Variants in PDE4D observed in about 807,000 individuals in gnomAD.
PDE4D encodes phosphodiesterase 4D, also known as 3',5'-cyclic-AMP phosphodiesterase 4D.
PDE4D carries 24 observed loss-of-function variants against 87.4 expected under a neutral mutation model. That is an observed-to-expected ratio of 0.27 (90% CI 0.20 to 0.39). PDE4D has a LOEUF of 0.39. PDE4D is among the 10% of genes least tolerant of loss of function. PDE4D has a pLI of 1.00. For missense variants in PDE4D, 714 were observed against 1,041.0 expected, an observed-to-expected ratio of 0.69 and a Z score of 4.32; for synonymous variants, 384 against 383.2, an observed-to-expected ratio of 1.00 and a Z score of -0.02.
chr5:60,341,563 T>C (rs1346759659), intron 1 of PDE4D, among the ~76,000 whole-genome samples: 3 of 152,162 alleles, frequency 2.0e-5, no homozygotes, highest in African/African-American at 4.8e-5. Context: ...TCCTGAAAGA[T>C]TGTAGACAAG....
intron 1 of PDE4D, among the ~76,000 whole-genome samples, chr5:59,582,219 C>G (rs1824290777): frequency 6.6e-6 from 1 of 152,178 alleles, no homozygotes; most frequent in South Asian, 2.1e-4. Context: ...AGGAGCAAAG[C>G]TCCATTATCT....
intron 3 of PDE4D, among the ~76,000 whole-genome samples, chr5:59,903,375 A>G (rs913284693): frequency 6.6e-6 from 1 of 152,104 alleles, no homozygotes; most frequent in Non-Finnish European, 1.5e-5. Context: ...TATCTTCTCA[A>G]TATTATCTCA....
At chr5:59,458,586 T>C (rs1800271300) in intron 1 of PDE4D, among the ~76,000 whole-genome samples, 1 of 152,198 alleles carries the variant, frequency 6.6e-6, no homozygotes, top group Non-Finnish European at 1.5e-5. Flanking sequence ...TTGAACTGCT[T>C]TGCATGTTAA....
chr5:59,260,765 C>T (rs1255516441), intron 1 of PDE4D, among the ~76,000 whole-genome samples: 1 of 151,398 alleles, frequency 6.6e-6, no homozygotes, highest in Non-Finnish European at 1.5e-5. Context: ...GGAGGGATGA[C>T]CAAGCATATA....
At chr5:59,044,300 T>C (rs540895894) in intron 5 of PDE4D, among the ~76,000 whole-genome samples, 1 of 152,336 alleles carries the variant, frequency 6.6e-6, no homozygotes, top group African/African-American at 2.4e-5. Flanking sequence ...ATTTCTCTGA[T>C]GGCCAGTCAT....
chr5:60,236,367 CA>C (rs977658463), intron 1 of PDE4D, among the ~76,000 whole-genome samples: 6 of 151,512 alleles, frequency 4.0e-5, no homozygotes, highest in Admixed American at 2.0e-4. Context: ...ATATCTACAA[CA>C]AAAAAAATTT....
intron 1 of PDE4D, among the ~76,000 whole-genome samples, chr5:60,439,457 C>T (rs1209034778): frequency 6.6e-6 from 1 of 152,056 alleles, no homozygotes; most frequent in Non-Finnish European, 1.5e-5. Context: ...CTCTGGAAGT[C>T]ATATAGGAAC....
intron 1 of PDE4D, among the ~76,000 whole-genome samples, chr5:60,470,053 G>A (rs1237700431): frequency 6.6e-6 from 1 of 152,182 alleles, no homozygotes; most frequent in African/African-American, 2.4e-5. Context: ...GTGAATGTAA[G>A]AGAAAAGTTC....
intron 2 of PDE4D, among the ~76,000 whole-genome samples, chr5:60,019,167 A>T (rs1052230714): frequency 6.6e-6 from 1 of 152,206 alleles, no homozygotes; most frequent in South Asian, 2.1e-4. Context: ...GGAACTCAAG[A>T]TTAAGAAACT....
chr5:59,191,944 C>T (rs1175423996), intron 3 of PDE4D, among the ~76,000 whole-genome samples: 1 of 152,098 alleles, frequency 6.6e-6, no homozygotes, highest in African/African-American at 2.4e-5. Flanking sequence ...ATTATTAAAT[C>T]ATACAAGTGT....
At chr5:60,369,376 C>T (rs753786153) in intron 1 of PDE4D, among the ~76,000 whole-genome samples, 17 of 152,150 alleles carry the variant, frequency 1.1e-4, no homozygotes, top group Admixed American at 6.5e-5. Flanking sequence ...TTTTGATCCT[C>T]TTCTGACTTC....
chr5:59,665,048 G>A (rs1348244652), intron 1 of PDE4D, among the ~76,000 whole-genome samples: 1 of 152,104 alleles, frequency 6.6e-6, no homozygotes, highest in East Asian at 1.9e-4. Flanking sequence ...GTAGTGACAT[G>A]TCCCCCTGAA....
At chr5:59,426,851 A>G (rs1310832255) in intron 1 of PDE4D, among the ~76,000 whole-genome samples, 1 of 152,022 alleles carries the variant, frequency 6.6e-6, no homozygotes, top group African/African-American at 2.4e-5. Context: ...TATATGTCAT[A>G]ATTTTTATAA....
At chr5:60,017,050 T>A (rs1765589021) in intron 2 of PDE4D, among the ~76,000 whole-genome samples, 1 of 152,232 alleles carries the variant, frequency 6.6e-6, no homozygotes, top group African/African-American at 2.4e-5. Context: ...GCAGAATGAA[T>A]GTTGTTTTTG....
intron 1 of PDE4D, among the ~76,000 whole-genome samples, chr5:60,263,606 A>G (rs1749874169): frequency 6.6e-6 from 1 of 152,186 alleles, no homozygotes; most frequent in Non-Finnish European, 1.5e-5. Context: ...TGTTGCTTCA[A>G]TACACAGAGC....
At chr5:59,806,130 C>T (rs1439448624) in intron 1 of PDE4D, among the ~76,000 whole-genome samples, 1 of 152,204 alleles carries the variant, frequency 6.6e-6, no homozygotes, top group Non-Finnish European at 1.5e-5. Context: ...CCCAGCCATG[C>T]TAACAGGCAG....
chr5:59,768,935 T>C (rs1248512778), intron 1 of PDE4D, among the ~76,000 whole-genome samples: 1 of 152,224 alleles, frequency 6.6e-6, no homozygotes, highest in Non-Finnish European at 1.5e-5. Flanking sequence ...CTGGGTTGTT[T>C]GGCTAGTCTT....
At chr5:59,733,919 C>T (rs1293849386) in intron 1 of PDE4D, among the ~76,000 whole-genome samples, 1 of 151,886 alleles carries the variant, frequency 6.6e-6, no homozygotes, top group Non-Finnish European at 1.5e-5. Context: ...AAAGAGTAAA[C>T]TTGAGTTTTG....
At chr5:59,800,654 C>T (rs1475953990) in intron 1 of PDE4D, among the ~76,000 whole-genome samples, 4 of 151,260 alleles carry the variant, frequency 2.6e-5, no homozygotes, top group African/African-American at 7.3e-5. Context: ...TAACACCTCT[C>T]ACAAGTTGCT....
Sources: allele counts gnomAD v4.1 joint callset (sites outside exome capture counted in the v4.1 genomes callset), GRCh38; gene constraint gnomAD v4.1.1; transcripts MANE v1.5; gene names NCBI Gene and HGNC (gene_info 2026-07-23, HGNC 2026-07-21).